The following CEP350 variants were observed in gnomAD, a reference collection of about 807,000 sequenced individuals.
The protein encoded by CEP350 is centrosome-associated protein 350.
Under a neutral mutation model 331.8 loss-of-function variants are expected in CEP350, and 126 were observed. The ratio of observed to expected loss-of-function variants is 0.38; its 90% CI spans 0.33 to 0.44. CEP350 has a LOEUF of 0.44. Ranked by LOEUF, CEP350 falls within the 20% of genes least tolerant of loss-of-function variation. The pLI, the probability that CEP350 is intolerant of heterozygous loss-of-function variation, is 1.00. For missense variants in CEP350, 3,406 were observed against 3,634.6 expected, an observed-to-expected ratio of 0.94 and a Z score of 1.62; for synonymous variants, 1,200 against 1,259.5, an observed-to-expected ratio of 0.95 and a Z score of 1.00.
intron 14 of CEP350, 124 bp downstream of exon 14, chr1:180,024,706 T>A: frequency 9.2e-7 from 1 of 1,092,800 alleles, no homozygotes; most frequent in Non-Finnish European, 1.2e-6. Context: ...TTAGCTTTCA[T>A]ATTTATTTAT....
At chr1:180,051,949 G>A (rs73034489) in intron 22 of CEP350, among the ~76,000 whole-genome samples, 2,554 of 152,296 alleles carry the variant, frequency 0.017, 72 homozygotes, top group African/African-American at 0.058. Flanking sequence ...GTTTCTCAGT[G>A]TTGGAAGGGA....
At chr1:180,015,165 A>G (rs537008571) in intron 10 of CEP350, among the ~76,000 whole-genome samples, 2 of 152,122 alleles carry the variant, frequency 1.3e-5, no homozygotes, top group East Asian at 3.9e-4. Flanking sequence ...AAAGGTAGAG[A>G]TGGAAGGGGA....
chr1:179,988,238 AG>A (rs563774286), intron 3 of CEP350, among the ~76,000 whole-genome samples: 94 of 151,774 alleles, frequency 6.2e-4, no homozygotes, highest in African/African-American at 2.2e-3. Flanking sequence ...TCAAGACTGC[AG>A]TGAGCTATGA....
chr1:179,981,915 A>T (rs1652296472), intron 1 of CEP350, among the ~76,000 whole-genome samples: 2 of 152,048 alleles, frequency 1.3e-5, no homozygotes, highest in Admixed American at 1.3e-4. Flanking sequence ...TGGGAGGAAC[A>T]CCTGAGCCCA....
intron 14 of CEP350, among the ~76,000 whole-genome samples, chr1:180,026,284 AAG>A (rs1288927992): frequency 6.6e-6 from 1 of 151,904 alleles, no homozygotes; most frequent in Admixed American, 6.6e-5. Flanking sequence ...AAAAAAAAAA[AAG>A]TATTTATTTT....
chr1:180,097,256 C>T (rs937527325), intron 36 of CEP350, among the ~76,000 whole-genome samples: 1 of 152,172 alleles, frequency 6.6e-6, no homozygotes, highest in African/African-American at 2.4e-5. Context: ...CATGTAACTA[C>T]AACAGTGGAA....
intron 27 of CEP350, among the ~76,000 whole-genome samples, chr1:180,067,560 A>G (rs905498342): frequency 5.9e-5 from 9 of 152,108 alleles, no homozygotes; most frequent in Non-Finnish European, 1.2e-4. Flanking sequence ...CTGGTGACAC[A>G]TGCCTGTAAT....
intron 37 of CEP350, among the ~76,000 whole-genome samples, chr1:180,104,422 A>G (rs1423019009): frequency 3.9e-5 from 6 of 152,104 alleles, no homozygotes; most frequent in African/African-American, 1.2e-4. Flanking sequence ...AATTTTGCTT[A>G]GGATCTCTAG....
intron 1 of CEP350, among the ~76,000 whole-genome samples, chr1:179,966,910 G>A (rs483307): frequency 0.57 from 86,089 of 152,034 alleles, 26,285 homozygotes; most frequent in East Asian, 0.71. Context: ...TGGGTACCTT[G>A]CTTTGTCACT....
chr1:180,032,170 GT>G (rs1386915633), intron 15 of CEP350, among the ~76,000 whole-genome samples: 2 of 152,066 alleles, frequency 1.3e-5, no homozygotes, highest in Admixed American at 1.3e-4. Context: ...TAGCTATACA[GT>G]TCCTACTCAT....
chr1:179,968,841 T>C, intron 1 of CEP350: 2 of 718,534 alleles, frequency 2.8e-6, no homozygotes, highest in South Asian at 1.3e-5. Context: ...CTCGTGCCAT[T>C]GTTACCTTTG....
Position 180,083,999 on chromosome 1 carries a change from G to T in CEP350, c.6125-19G>T, listed in dbSNP as rs918950124. ...TCTTAAGTCAAAATTATAAATAAAAGATTTTGTATCTCTTTCAGAAACTAC... is the reference window on the plus strand; with the variant it reads ...TCTTAAGTCAAAATTATAAATAAAATATTTTGTATCTCTTTCAGAAACTAC... On this transcript the variant is annotated intron_variant, in intron 30 of 37. Transcript: ENST00000367607. 2.2e-6 allele frequency: 3 copies of T among 1,362,072 alleles called. No individual in the cohort carries two copies. The highest frequency in any genetic ancestry group is 3.0e-6 in the Non-Finnish European group (3 of 1,015,556). The allele number at this position is 1,362,072 out of a possible 1,614,324, so 84.4% of individuals were successfully genotyped here. A position where few individuals can be genotyped will look rare whatever the true frequency, so the allele number is the denominator to read the frequency against.
At chr1:179,979,573 G>T (rs1220762475) in intron 1 of CEP350, among the ~76,000 whole-genome samples, 9 of 151,734 alleles carry the variant, frequency 5.9e-5, no homozygotes, top group Admixed American at 5.9e-4. Flanking sequence ...GTTAATTTTT[G>T]CTTTTGTTGC....
Position 180,111,163 on chromosome 1 carries a change from A to G in CEP350, c.*2A>G. 1 of 1,613,562 alleles carries G rather than the reference A, an allele frequency of 6.2e-7. No individual in the cohort carries two copies. The highest frequency in any genetic ancestry group is 2.2e-5 in the East Asian group (1 of 44,866). ...CAGGGGAGAATGCTACTTGTGTGACATCTTGCAAATAAATCGAACGCTGAG... is the reference window on the plus strand; with the variant it reads ...CAGGGGAGAATGCTACTTGTGTGACGTCTTGCAAATAAATCGAACGCTGAG... On this transcript the variant is annotated 3_prime_UTR_variant, in exon 38 of 38. Coordinates refer to ENST00000367607, the MANE Select transcript of CEP350 (RefSeq NM_014810.5).
chr1:180,093,793 T>C lies in CEP350; in HGVS notation c.7688T>C (p.Ile2563Thr). 1.2e-6 allele frequency: 2 copies of C among 1,613,948 alleles called. No individual in the cohort carries two copies. Among genetic ancestry groups the C allele is most frequent in the Non-Finnish European group, 1.7e-6 (2 of 1,179,850 alleles). Residue 2563 changes from isoleucine (I) to threonine (T), a missense_variant, in exon 34 of 38, where the codon ATA becomes ACA. Physicochemically the swap from Ile to Thr is moderately conservative, Grantham distance 89. This residue lies in a region of CEP350 where 1,415 missense variants were observed against 1,512.3 expected (regional missense o/e 0.94). Transcript: ENST00000367607. The stretch of plus-strand genomic sequence containing the variant: ...GGTATTTTTGCTCCTCCTCAAAAAA[T>C]ATCTCACATTCCAGAAAACTTTGAT... ...KHGIFAPPQK[I>T]SHIPENFDDY...
intron 30 of CEP350, among the ~76,000 whole-genome samples, chr1:180,080,925 T>C (rs1199123533): frequency 6.6e-6 from 1 of 152,106 alleles, no homozygotes; most frequent in Non-Finnish European, 1.5e-5. Flanking sequence ...AGTGGTGCGA[T>C]CTTGTCTCAC....
Position 180,111,303 on chromosome 1 carries a change from G to A in CEP350, c.*142G>A. 1 of 964,816 alleles carries A rather than the reference G, an allele frequency of 1.0e-6. No homozygotes were observed. Among genetic ancestry groups the A allele is most frequent in the South Asian group, 1.8e-5 (1 of 56,838 alleles). The allele number at this position is 964,816 out of a possible 1,614,324, so 59.8% of individuals were successfully genotyped here. A position where few individuals can be genotyped will look rare whatever the true frequency, so the allele number is the denominator to read the frequency against. On this transcript the variant is annotated 3_prime_UTR_variant, in exon 38 of 38. Coordinates refer to ENST00000367607, the MANE Select transcript of CEP350 (RefSeq NM_014810.5). ...AAAGACTACCAGTATGGAGTTCATA[G>A]GACAATGTGGTACACCTGGTATTAC...
chr1:179,992,938 A>G (rs1274562124), intron 5 of CEP350, among the ~76,000 whole-genome samples: 1 of 152,196 alleles, frequency 6.6e-6, no homozygotes, highest in Non-Finnish European at 1.5e-5. Context: ...AACACAAATC[A>G]AGAAGTTTCA....
At chr1:180,044,238 G>A in intron 21 of CEP350, 65 bp downstream of exon 21, 1 of 1,388,758 alleles carries the variant, frequency 7.2e-7, no homozygotes, top group East Asian at 2.6e-5. Flanking sequence ...CTTAAACATT[G>A]CTTTCTTTGA....
Sources: gnomAD v4.1 joint callset for allele counts (sites outside exome capture counted in the v4.1 genomes callset) on GRCh38, gnomAD v4.1.1 for gene constraint, gnomAD v4.1.1 regional missense constraint, MANE v1.5 for transcripts, NCBI Gene and HGNC (gene_info 2026-07-23, HGNC 2026-07-21) for gene names.